Variants in ACCS observed in about 807,000 individuals in gnomAD.
ACCS encodes 1-aminocyclopropane-1-carboxylate synthase-like protein 1.
ACCS carries 42 observed loss-of-function variants against 59.8 expected under a neutral mutation model. The observed-to-expected ratio is 0.70, with a 90% CI of 0.55 to 0.91. The LOEUF is 0.91. Among genes scored for constraint, ACCS ranks in the 40% least tolerant of loss-of-function variants. The pLI, the probability that ACCS is intolerant of heterozygous loss-of-function variation, is 0.00. For synonymous variants in ACCS, 230 were observed against 240.3 expected, an observed-to-expected ratio of 0.96 and a Z score of 0.40; for missense variants, 602 against 630.4, an observed-to-expected ratio of 0.95 and a Z score of 0.48.
At chr11:44,077,795 G>A (rs767802451) in intron 7 of ACCS, 50 bp from the exon 8 acceptor site, 1 of 1,600,342 alleles carries the variant, frequency 6.2e-7, no homozygotes, top group Non-Finnish European at 8.5e-7. Context: ...GTATTTTGGG[G>A]GGCAATGGTC....
intron 6 of ACCS, 98 bp from the exon 7 acceptor site, chr11:44,077,181 A>G (rs2134870477): frequency 7.4e-7 from 1 of 1,354,046 alleles, no homozygotes; most frequent in South Asian, 1.5e-5. Flanking sequence ...CGGTCCCCAA[A>G]GAAGTTAAAG....
At chr11:44,081,468 C>G (rs1953639287) in intron 12 of ACCS, 148 bp downstream of exon 12, 2 of 1,298,558 alleles carry the variant, frequency 1.5e-6, no homozygotes, top group Admixed American at 5.5e-5. Flanking sequence ...GGTCCATACC[C>G]TATTTGGCCA....
chr11:44,074,657 C>G lies in ACCS; in HGVS notation c.465C>G (p.Ser155Arg). The G allele has an allele frequency of 6.2e-7, 1 of 1,613,428 alleles. No individual in the cohort carries two copies. Among genetic ancestry groups the G allele is most frequent in the Non-Finnish European group, 8.5e-7 (1 of 1,179,724 alleles). Residue 155 changes from serine (S) to arginine (R), a missense_variant, in exon 5 of 15, where the codon AGC (serine) becomes AGG (arginine). By Grantham distance (110) the Ser-to-Arg change is moderately radical (BLOSUM62 -1). Transcript: ENST00000263776. Reference sequence around the variant, plus strand: ...AGTTCCTGTCTTTCTACTGCAAGAGCCCAGTACCCCTCAGACCAGAGAATG... The same window carrying G: ...AGTTCCTGTCTTTCTACTGCAAGAGGCCAGTACCCCTCAGACCAGAGAATG... ...VAKFLSFYCK[S>R]PVPLRPENVV... is the part of the protein sequence containing the mutation.
intron 12 of ACCS, chr11:44,082,282 T>G (rs1953675165): frequency 6.6e-6 from 1 of 152,224 alleles, no homozygotes; most frequent in South Asian, 2.1e-4. Context: ...ATCCTACTCC[T>G]AGATATTGAC....
At chr11:44,071,810 A>G (rs533163264) in intron 3 of ACCS, 1 of 152,784 alleles carries the variant, frequency 6.5e-6, no homozygotes, top group South Asian at 2.1e-4. Context: ...TCAAAAACAT[A>G]GATAGTAAAA....
intron 2 of ACCS, among the ~76,000 whole-genome samples, chr11:44,069,150 A>T (rs1952927403): frequency 1.3e-5 from 2 of 152,214 alleles, no homozygotes; most frequent in African/African-American, 4.8e-5. Context: ...GCAAGTTAAA[A>T]CAACAATTCA....
At chr11:44,074,494 A>G (rs1229073796) in intron 4 of ACCS, 118 bp from the exon 5 acceptor site, 1 of 792,870 alleles carries the variant, frequency 1.3e-6, no homozygotes, top group African/African-American at 1.7e-5. Context: ...CCCACACCCC[A>G]TCATGGGAAA....
In ACCS at chr11:44,071,147, G is replaced by A. The variant is rs535485724; in HGVS notation, c.289-109G>A. On this transcript the variant is annotated intron_variant, in intron 2 of 14. Coordinates refer to ENST00000263776, the MANE Select transcript of ACCS (RefSeq NM_032592.4). ...GGCAAGGAGGGATGTTTGAAAGGGT[G>A]GGATTGTAGAGAGCTCCCACTTTGC... 4 of 1,088,088 alleles carry A rather than the reference G, an allele frequency of 3.7e-6. No homozygotes were observed. The South Asian group carries it at 5.3e-5, about 14-fold the overall frequency. 67.4% of individuals were successfully genotyped at this position (1,088,088 alleles called of 1,614,324 possible).
chr11:44,075,039 G>A (rs974001373), intron 5 of ACCS, among the ~76,000 whole-genome samples: 2 of 151,754 alleles, frequency 1.3e-5, no homozygotes, highest in African/African-American at 2.4e-5. Flanking sequence ...GGTCAGGCTG[G>A]TCTCGAACTA....
rs1953501820 is a variant in ACCS, at chr11:44,078,852, C to T, written c.833+68C>T. Reference sequence around the variant, plus strand: ...CTGGGGTTCCAATGCGGGTTTGGTGCAGGTTTTTCTACTCTCTTGACCCCA... The same window carrying T: ...CTGGGGTTCCAATGCGGGTTTGGTGTAGGTTTTTCTACTCTCTTGACCCCA... On this transcript the variant is annotated intron_variant, in intron 9 of 14. Transcript: ENST00000263776. The T allele has an allele frequency of 2.2e-6, 3 of 1,393,440 alleles. 1 individual carries two copies. Among genetic ancestry groups the T allele is most frequent in the Admixed American group, 3.7e-5 (2 of 53,976 alleles). 86.3% of individuals were successfully genotyped at this position (1,393,440 alleles called of 1,614,324 possible).
Position 44,075,582 on chromosome 11 carries a change from T to G in ACCS, c.546T>G (p.Cys182Trp), listed in dbSNP as rs746099117. ...TCTCTGCTCTGGCCACGGTGCTGTGTGAGGCCGGGGGTAAGTGAGCTCTGT... is the reference window on the plus strand; with the variant it reads ...TCTCTGCTCTGGCCACGGTGCTGTGGGAGGCCGGGGGTAAGTGAGCTCTGT... The part of the protein sequence containing the change: ...SLFSALATVL[C>W]EAGEAFLIPT... Residue 182 changes from cysteine (C) to tryptophan (W), a missense_variant, in exon 6 of 15, where the codon TGT (cysteine) becomes TGG (tryptophan). Cys to Trp is a radical substitution (Grantham distance 215). Transcript: ENST00000263776. 1 of 1,614,170 alleles carries G rather than the reference T, an allele frequency of 6.2e-7. No individual in the cohort carries two copies.
chr11:44,071,186 T>C (rs981997551), intron 2 of ACCS, 70 bp from the exon 3 acceptor site: 4 of 1,551,834 alleles, frequency 2.6e-6, no homozygotes, highest in Non-Finnish European at 3.6e-6. Context: ...GCTGCCTCCA[T>C]GGGCTCCTGG....
At chr11:44,080,975 C>T in intron 10 of ACCS, 45 bp from the exon 11 acceptor site, 1 of 1,612,052 alleles carries the variant, frequency 6.2e-7, no homozygotes, top group Admixed American at 1.7e-5. Flanking sequence ...ATGTGGGTTT[C>T]CATAGTTCTG....
intron 10 of ACCS, 100 bp from the exon 11 acceptor site, chr11:44,080,920 A>C: frequency 6.8e-7 from 1 of 1,480,372 alleles, no homozygotes; most frequent in Non-Finnish European, 9.4e-7. Flanking sequence ...CCTGGAACCA[A>C]AACTAGATTC....
chr11:44,082,165 G>A (rs910216420), intron 12 of ACCS: 1 of 150,666 alleles, frequency 6.6e-6, no homozygotes, highest in African/African-American at 2.4e-5. Context: ...AGGAGCAGCT[G>A]GAAGTCTCAT....
At chr11:44,081,415 A>T in intron 12 of ACCS, 95 bp downstream of exon 12, 1 of 1,528,558 alleles carries the variant, frequency 6.5e-7, no homozygotes, top group Non-Finnish European at 8.8e-7. Flanking sequence ...TATGAGAATA[A>T]TTTAGGGTAA....
intron 1 of ACCS, chr11:44,067,196 A>G: frequency 6.1e-6 from 1 of 163,394 alleles, no homozygotes; most frequent in Non-Finnish European, 1.3e-5. Flanking sequence ...TCAGAACACC[A>G]CATAATCTCA....
rs367984824 is a variant in ACCS, at chr11:44,067,770, G to A, written c.143G>A (p.Arg48His). ...CTGGACCAGAAGCTGCCAGAGCTCCGTGGAGTGGGTGATCCTGCCATGATC... is the reference window on the plus strand; with the variant it reads ...CTGGACCAGAAGCTGCCAGAGCTCCATGGAGTGGGTGATCCTGCCATGATC... ...RKLDQKLPEL[R>H]GVGDPAMISS... Residue 48 changes from arginine to histidine, a missense_variant, in exon 2 of 15, where the codon CGT becomes CAT. Physicochemically the swap from Arg to His is conservative, Grantham distance 29. Coordinates refer to ENST00000263776, the MANE Select transcript of ACCS (RefSeq NM_032592.4). The A allele has an allele frequency of 2.3e-5, 37 of 1,614,096 alleles. No individual in the cohort carries two copies. The East Asian group carries it at 5.3e-4, about 23-fold the overall frequency.
chr11:44,077,208 G>A (rs1953408368), intron 6 of ACCS, 71 bp from the exon 7 acceptor site: 32 of 1,517,838 alleles, frequency 2.1e-5, no homozygotes, highest in South Asian at 2.5e-5. Context: ...AGAGGGACTG[G>A]GGACAGTGGA....
Sources: gnomAD v4.1 joint callset for allele counts (sites outside exome capture counted in the v4.1 genomes callset) on GRCh38, gnomAD v4.1.1 for gene constraint, MANE v1.5 for transcripts, NCBI Gene and HGNC (gene_info 2026-07-23, HGNC 2026-07-21) for gene names.